ABHD12: variants seen among roughly 807,000 people sequenced by gnomAD.
The protein encoded by ABHD12 is abhydrolase domain containing 12, lysophospholipase, also known as lysophosphatidylserine lipase ABHD12.
A neutral mutation model predicts 58.3 loss-of-function variants in ABHD12; 43 were observed. The observed-to-expected ratio is 0.74, with a 90% confidence interval of 0.58 to 0.95. The LOEUF is 0.95. Ranked by LOEUF, ABHD12 falls within the 40% of genes least tolerant of loss-of-function variation. The probability of loss-of-function intolerance (pLI) is 0.00; values close to 1 mark genes in which losing one functional copy is unlikely to be tolerated. For missense variants in ABHD12, 539 were observed against 537.2 expected (o/e 1.00, Z -0.03); for synonymous variants, 219 against 211.2 (o/e 1.04, Z -0.32).
At chr20:25,338,742 G>A in intron 2 of ABHD12, 2 of 971,060 alleles carry the variant, frequency 2.1e-6, no homozygotes, top group South Asian at 9.4e-5. Flanking sequence ...AAGAAAAAAG[G>A]CCTCATTTTT....
intron 5 of ABHD12, among the ~76,000 whole-genome samples, chr20:25,315,603 C>T (rs1352112406): frequency 6.6e-6 from 1 of 152,046 alleles, no homozygotes; most frequent in East Asian, 1.9e-4. Flanking sequence ...TTGTTGGGTG[C>T]TTCCCCAGGG....
chr20:25,301,016 C>A, intron 12 of ABHD12, 132 bp from the exon 13 acceptor site: 1 of 924,092 alleles, frequency 1.1e-6, no homozygotes, highest in Non-Finnish European at 1.7e-6. Context: ...CATGAGGATG[C>A]GCTGTAGCCC....
intron 1 of ABHD12, chr20:25,390,125 C>G (rs1356488777): frequency 5.9e-6 from 1 of 169,080 alleles, no homozygotes; most frequent in Non-Finnish European, 1.3e-5. Context: ...CAGGGATCTT[C>G]CAAGGACTCC....
Position 25,308,459 on chromosome 20 carries a change from C to A in ABHD12, c.785G>T (p.Arg262Leu). 1.2e-6 allele frequency: 2 copies of A among 1,611,606 alleles called. No individual in the cohort carries two copies. Among genetic ancestry groups the A allele is most frequent in the East Asian group, 2.2e-5 (1 of 44,848 alleles). ...CTGGGGCCCAACAAGGCACTCACCT[C>A]GCTCACAGAGGCGCCGCACCAGATT... ...ATNLVRRLCE[R>L]ETPPDALILE... Residue 262 changes from arginine to leucine, a missense_variant and splice_region_variant, in exon 8 of 13, where the codon CGA (arginine) becomes CTA (leucine). By Grantham distance (102) the Arg-to-Leu change is moderately radical. Coordinates refer to ENST00000339157, the MANE Select transcript of ABHD12 (RefSeq NM_001042472.3).
chr20:25,317,877 AG>A, intron 4 of ABHD12, among the ~76,000 whole-genome samples: 1 of 152,066 alleles, frequency 6.6e-6, no homozygotes, highest in African/African-American at 2.4e-5. Context: ...GCCACCTGGG[AG>A]GAGGGCGGGT....
Position 25,345,374 on chromosome 20 carries a change from C to T in ABHD12, c.192-6023G>A, listed in dbSNP as rs531183467. Among the ~76,000 whole-genome samples, 3 of 152,188 alleles carry T rather than the reference C, an allele frequency of 2.0e-5. No homozygotes were observed. In the East Asian group the frequency reaches 5.8e-4, roughly 29 times the overall value. ...TGCTGGGATTACAGGCTTGAGCCAC[C>T]GCGCCTGGCCGATGAAGACTTCTTA... On this transcript the variant is annotated intron_variant, in intron 1 of 12. Transcript: ENST00000339157.
chr20:25,311,443 G>A lies in ABHD12; in HGVS notation c.620-1868C>T, dbSNP rs557214705. ...CCCTGATTCCAGCCTGGGGGCTGCAGATTCTGAATTTCTGACCTCCAGAAC... is the reference window on the plus strand; with the variant it reads ...CCCTGATTCCAGCCTGGGGGCTGCAAATTCTGAATTTCTGACCTCCAGAAC... On this transcript the variant is annotated intron_variant, in intron 6 of 12. Transcript: ENST00000339157. 7.6e-4 allele frequency among the ~76,000 whole-genome samples: 115 copies of A among 152,244 alleles called. 1 individual carries two copies. Among genetic ancestry groups the A allele is most frequent in the Non-Finnish European group, 1.4e-3 (92 of 68,044 alleles).
chr20:25,307,218 C>T (rs2088760674), intron 9 of ABHD12, among the ~76,000 whole-genome samples: 1 of 152,216 alleles, frequency 6.6e-6, no homozygotes, highest in African/African-American at 2.4e-5. Context: ...CAGAATCCAC[C>T]CCAGAAACCA....
intron 9 of ABHD12, among the ~76,000 whole-genome samples, chr20:25,307,722 G>T (rs894163101): frequency 6.6e-6 from 1 of 152,196 alleles, no homozygotes; most frequent in African/African-American, 2.4e-5. Flanking sequence ...ACGTGAGCCC[G>T]GCCTCCACTG....
intron 1 of ABHD12, among the ~76,000 whole-genome samples, chr20:25,387,431 C>T (rs148614342): frequency 5.0e-4 from 76 of 151,212 alleles, no homozygotes; most frequent in South Asian, 4.2e-3. Context: ...TGTGGTGGCA[C>T]ATGCCTGTAA....
At position 25,300,450 on chromosome 20, in the gene ABHD12, C is replaced by A. The variant is rs1229536499; in HGVS notation, c.*395G>T. ...GGAAGGTGCAGAAAGAACCTGGACC[C>A]CACGTTCTCTGTGGGTGGTGCCAAA... On this transcript the variant is annotated 3_prime_UTR_variant, in exon 13 of 13. Transcript: ENST00000339157. 1 of 1,197,572 alleles carries A rather than the reference C, an allele frequency of 8.4e-7. No individual in the cohort carries two copies. Among genetic ancestry groups the A allele is most frequent in the Non-Finnish European group, 1.1e-6 (1 of 951,330 alleles). The allele number at this position is 1,197,572 out of a possible 1,614,324, so 74.2% of individuals were successfully genotyped here. A position where few individuals can be genotyped will look rare whatever the true frequency, so the allele number is the denominator to read the frequency against.
rs1232862678 is a variant in ABHD12, at chr20:25,295,011, A to C, written c.1177T>G (p.Ser393Ala). ...GACCACATGCTGGGATCTGGGCTGG[A>C]ACCTGGGCCCTGCTGAGGTCTGTGA... The change falls in exon 13 of 13, where the codon TCC becomes GCC. Residue 393 changes from serine to alanine, a missense_variant. Transcript: ENST00000376542. 4.3e-6 allele frequency: 7 copies of C among 1,614,192 alleles called. No individual in the cohort carries two copies. In the South Asian group the frequency reaches 7.7e-5, roughly 18 times the overall value.
At chr20:25,309,786 A>G (rs1198027060) in intron 6 of ABHD12, among the ~76,000 whole-genome samples, 1 of 152,218 alleles carries the variant, frequency 6.6e-6, no homozygotes, top group Non-Finnish European at 1.5e-5. Flanking sequence ...AGCCCTGGGG[A>G]AGGCAGCCCA....
chr20:25,300,971 C>T, intron 12 of ABHD12, 87 bp from the exon 13 acceptor site: 1 of 1,420,254 alleles, frequency 7.0e-7, no homozygotes. Flanking sequence ...TCTAAGGAAG[C>T]AGAGGCTGTG....
At chr20:25,317,119 A>G in intron 4 of ABHD12, 41 bp from the exon 5 acceptor site, 3 of 1,554,206 alleles carry the variant, frequency 1.9e-6, no homozygotes, top group South Asian at 1.1e-5. Flanking sequence ...ACATCTTCTC[A>G]GAGTTGGGCC....
Position 25,308,041 on chromosome 20 carries a change from C to A in ABHD12, c.792G>T (p.Thr264=), listed in dbSNP as rs911558545. The change falls in exon 9 of 13, where the codon ACG becomes ACT. Residue 264 remains threonine, a synonymous_variant. Transcript: ENST00000339157. ...ATTCCAATATAAGGGCATCTGGAGG[C>A]GTCTCTAGATAAACAAACAGGGAAC... The part of the protein sequence containing the change: ...NLVRRLCERE[T]PPDALILESP... 1.3e-6 allele frequency: 2 copies of A among 1,599,606 alleles called. No individual in the cohort carries two copies. The highest frequency in any genetic ancestry group is 1.7e-6 in the Non-Finnish European group (2 of 1,166,890).
chr20:25,306,546 C>A (rs2088745531), intron 10 of ABHD12, among the ~76,000 whole-genome samples: 3 of 152,098 alleles, frequency 2.0e-5, no homozygotes, highest in Admixed American at 2.0e-4. Context: ...CATACCTGGT[C>A]AATTTTTGGA....
At chr20:25,324,024 G>A (rs1306660607) in intron 2 of ABHD12, among the ~76,000 whole-genome samples, 1 of 152,206 alleles carries the variant, frequency 6.6e-6, no homozygotes, top group Non-Finnish European at 1.5e-5. Flanking sequence ...CGAGGGGGAT[G>A]AATCCATAGG....
intron 9 of ABHD12, 88 bp downstream of exon 9, chr20:25,307,878 A>T: frequency 1.9e-6 from 1 of 534,804 alleles, no homozygotes; most frequent in Non-Finnish European, 3.1e-6. Flanking sequence ...ACAATTTTTA[A>T]TAATTATTAT....
Sources: allele counts gnomAD v4.1 joint callset (sites outside exome capture counted in the v4.1 genomes callset), GRCh38; gene constraint gnomAD v4.1.1; transcripts MANE v1.5; gene names NCBI Gene and HGNC (gene_info 2026-07-23, HGNC 2026-07-21).